Variants in ZDHHC20 observed in about 807,000 individuals in gnomAD.
ZDHHC20 encodes the protein palmitoyltransferase ZDHHC20.
Under a neutral mutation model 57.8 loss-of-function variants are expected in ZDHHC20, and 43 were observed. That is an observed-to-expected ratio of 0.74 (90% CI 0.58 to 0.96). ZDHHC20 has a LOEUF of 0.96. ZDHHC20 is among the 40% of genes least tolerant of loss of function. ZDHHC20 has a pLI of 0.00. For synonymous variants in ZDHHC20, 157 were observed against 153.0 expected, an observed-to-expected ratio of 1.03 and a Z score of -0.19; for missense variants, 391 against 441.1, an observed-to-expected ratio of 0.89 and a Z score of 1.02.
At chr13:21,445,943 T>TGCGG (rs1171578437) in intron 1 of ZDHHC20, among the ~76,000 whole-genome samples, 1 of 152,088 alleles carries the variant, frequency 6.6e-6, no homozygotes, top group Non-Finnish European at 1.5e-5. Flanking sequence ...GAGCTAGCCA[T>TGCGG]GCGGAAATCT....
At chr13:21,400,202 CAT>C (rs140771562) in intron 7 of ZDHHC20, among the ~76,000 whole-genome samples, 169 bp downstream of exon 7, 24,370 of 151,960 alleles carry the variant, frequency 0.16, 2,634 homozygotes, top group Non-Finnish European at 0.25. Context: ...TACAAATAAA[CAT>C]GTGTATATGA....
chr13:21,388,903 T>C (rs577514637), intron 8 of ZDHHC20, among the ~76,000 whole-genome samples: 3 of 152,106 alleles, frequency 2.0e-5, no homozygotes, highest in Admixed American at 6.6e-5. Context: ...GCTGTTAAAG[T>C]CATTTATCAT....
rs1593148862 is a variant in ZDHHC20 at position 21,372,722 on chromosome 13, C to T, written c.*3974G>A. ...CATTAAGTCACAGGCTAGGATTATA[C>T]AAATAAGAACAAACACAAGGCTTAT... is the stretch of plus-strand genomic sequence containing the variant. On this transcript the variant is annotated 3_prime_UTR_variant, in exon 13 of 13. Coordinates refer to ENST00000400590, the MANE Select transcript of ZDHHC20 (RefSeq NM_001330059.2). 6.6e-6 allele frequency: 1 copy of T among 152,118 alleles called. No individual in the cohort carries two copies. The highest frequency in any genetic ancestry group is 1.9e-4 in the East Asian group (1 of 5,198). The allele number at this position is 152,118 out of a possible 1,614,324, so 9.4% of individuals were successfully genotyped here. A position where few individuals can be genotyped will look rare whatever the true frequency, so the allele number is the denominator to read the frequency against.
At chr13:21,439,102 T>C (rs1463826877) in intron 1 of ZDHHC20, among the ~76,000 whole-genome samples, 1 of 152,220 alleles carries the variant, frequency 6.6e-6, no homozygotes, top group African/African-American at 2.4e-5. Context: ...TTTATTGTGG[T>C]GGTATGAAAT....
intron 4 of ZDHHC20, among the ~76,000 whole-genome samples, chr13:21,403,714 G>C (rs1566081272): frequency 6.6e-6 from 1 of 152,126 alleles, no homozygotes; most frequent in Non-Finnish European, 1.5e-5. Flanking sequence ...CTGGGACGGA[G>C]TGTCGCTCCG....
chr13:21,425,243 G>A (rs957633284), intron 2 of ZDHHC20, among the ~76,000 whole-genome samples: 1 of 151,882 alleles, frequency 6.6e-6, no homozygotes, highest in African/African-American at 2.4e-5. Context: ...TGTAAATTGC[G>A]ATTTTAACAA....
chr13:21,429,118 A>G (rs1008795696), intron 1 of ZDHHC20, among the ~76,000 whole-genome samples: 2 of 152,148 alleles, frequency 1.3e-5, no homozygotes, highest in African/African-American at 2.4e-5. Flanking sequence ...GAGCCTGAAA[A>G]TATCAGATAC....
In ZDHHC20 at chr13:21,376,538, T is replaced by G. The variant is rs1382887215; in HGVS notation, c.*158A>C. ...GTGCTTCTGTGAATCCCAGGAACTG[T>G]ACAAAGGCTTTCCGTTTTAAAAAAT... is the stretch of plus-strand genomic sequence containing the variant. On this transcript the variant is annotated 3_prime_UTR_variant, in exon 13 of 13. Coordinates refer to ENST00000400590, the MANE Select transcript of ZDHHC20 (RefSeq NM_001330059.2). 3.6e-6 allele frequency: 3 copies of G among 830,728 alleles called. No individual in the cohort carries two copies. Among genetic ancestry groups the G allele is most frequent in the Non-Finnish European group, 5.3e-6 (3 of 563,576 alleles). 51.5% of individuals were successfully genotyped at this position (830,728 alleles called of 1,614,324 possible).
intron 4 of ZDHHC20, among the ~76,000 whole-genome samples, chr13:21,411,140 C>A (rs983471034): frequency 6.6e-6 from 1 of 152,180 alleles, no homozygotes; most frequent in African/African-American, 2.4e-5. Flanking sequence ...TTGTGCTTCC[C>A]GGGTGAGGCG....
At chr13:21,391,654 T>C (rs1343067841) in intron 8 of ZDHHC20, 68 bp downstream of exon 8, 1 of 1,499,890 alleles carries the variant, frequency 6.7e-7, no homozygotes, top group Non-Finnish European at 9.0e-7. Flanking sequence ...ACCCTTGTTC[T>C]TCTCTAGATT....
At chr13:21,387,861 A>G (rs921503787) in intron 8 of ZDHHC20, among the ~76,000 whole-genome samples, 1 of 152,164 alleles carries the variant, frequency 6.6e-6, no homozygotes, top group Non-Finnish European at 1.5e-5. Flanking sequence ...TGTCAAAATA[A>G]TTATCAAATA....
At chr13:21,418,606 A>G (rs1880281469) in intron 3 of ZDHHC20, among the ~76,000 whole-genome samples, 1 of 152,142 alleles carries the variant, frequency 6.6e-6, no homozygotes, top group African/African-American at 2.4e-5. Flanking sequence ...CACAGCTAAC[A>G]TGGCTAGTAG....
chr13:21,445,565 A>T (rs772665169), intron 1 of ZDHHC20, among the ~76,000 whole-genome samples: 1 of 152,242 alleles, frequency 6.6e-6, no homozygotes, highest in Non-Finnish European at 1.5e-5. Flanking sequence ...TCTGAAATCC[A>T]GAAGCAACTT....
intron 1 of ZDHHC20, among the ~76,000 whole-genome samples, chr13:21,457,548 T>C (rs779798033): frequency 5.3e-5 from 8 of 152,234 alleles, no homozygotes; most frequent in Non-Finnish European, 1.2e-4. Context: ...TAAACAATGA[T>C]ATTGAAAAGA....
At chr13:21,384,693 C>A (rs761259117) in intron 9 of ZDHHC20, among the ~76,000 whole-genome samples, 2 of 152,074 alleles carry the variant, frequency 1.3e-5, no homozygotes, top group Non-Finnish European at 2.9e-5. Context: ...CAAATTTGAC[C>A]AGCTTGACTG....
At chr13:21,389,277 T>C (rs186389971) in intron 8 of ZDHHC20, among the ~76,000 whole-genome samples, 59 of 152,286 alleles carry the variant, frequency 3.9e-4, no homozygotes, top group Middle Eastern at 3.4e-3. Flanking sequence ...AGTGGAGAAC[T>C]AGCTAAAGAC....
Position 21,374,312 on chromosome 13 carries a change from C to T in ZDHHC20, c.*2384G>A, listed in dbSNP as rs2137584458. On this transcript the variant is annotated 3_prime_UTR_variant, in exon 13 of 13. Transcript: ENST00000400590. Reference sequence around the variant, plus strand: ...CGATCTCGGCTCACTGCGACCTCCACCTCCTGGGTTCAAGTGATTCTCCTG... The same window carrying T: ...CGATCTCGGCTCACTGCGACCTCCATCTCCTGGGTTCAAGTGATTCTCCTG... 1 of 420,668 alleles carries T rather than the reference C, an allele frequency of 2.4e-6. No homozygotes were observed. The highest frequency in any genetic ancestry group is 4.9e-6 in the Non-Finnish European group (1 of 204,148). 26.1% of individuals were successfully genotyped at this position (420,668 alleles called of 1,614,324 possible). A position where few individuals can be genotyped will look rare whatever the true frequency, so the allele number is the denominator to read the frequency against.
chr13:21,450,757 G>GTT lies in ZDHHC20; in HGVS notation c.118+8295_118+8296dup, dbSNP rs759841531. 9.2e-3 allele frequency among the ~76,000 whole-genome samples: 1,292 copies of GTT among 141,072 alleles called. 19 individuals carry two copies. The highest frequency in any genetic ancestry group is 0.031 in the African/African-American group (1,211 of 38,734). The allele number at this position is 141,072 out of a possible 152,430, so 92.5% of individuals were successfully genotyped here. ...AAATGATAAAATTAATAAAAAGGTG[G>GTT]TTTTTTTTTTTTTTGGAGACAGGGT... On this transcript the variant is annotated intron_variant, in intron 1 of 12. Coordinates refer to ENST00000400590, the MANE Select transcript of ZDHHC20 (RefSeq NM_001330059.2).
chr13:21,443,263 C>G (rs1375316057), intron 1 of ZDHHC20, among the ~76,000 whole-genome samples: 8 of 152,062 alleles, frequency 5.3e-5, no homozygotes, highest in African/African-American at 1.9e-4. Context: ...AAGTCATAAA[C>G]ACTTTTCCAA....
Sources: gnomAD v4.1 joint callset for allele counts (sites outside exome capture counted in the v4.1 genomes callset) on GRCh38, gnomAD v4.1.1 for gene constraint, MANE v1.5 for transcripts, NCBI Gene and HGNC (gene_info 2026-07-23, HGNC 2026-07-21) for gene names.